FAM228A: variants seen among roughly 807,000 people sequenced by gnomAD.
The protein encoded by FAM228A is protein FAM228A.
Under a neutral mutation model 18.6 loss-of-function variants are expected in FAM228A, and 13 were observed. The observed-to-expected ratio is 0.70, with a 90% CI of 0.45 to 1.11. FAM228A has a LOEUF of 1.11. Ranked by LOEUF, FAM228A falls within the 50% of genes least tolerant of loss-of-function variation. The pLI is 0.00. For synonymous variants in FAM228A, 77 were observed against 86.6 expected (o/e 0.89, Z 0.61); for missense variants, 240 against 242.2 (o/e 0.99, Z 0.06).
rs1244310684 is a variant in FAM228A, at chr2:24,181,127, TTTAG to T, written c.163-2157_163-2154del. On this transcript the variant is annotated intron_variant, in intron 3 of 5. Transcript: ENST00000295150. ...AAGTTCTGAAAGGCCCATGGATGACTTTAGACTAAAGCTAGATGATTACTTCTCC... is the reference window on the plus strand; with the variant it reads ...AAGTTCTGAAAGGCCCATGGATGACTACTAAAGCTAGATGATTACTTCTCC... Among the ~76,000 whole-genome samples, 9 of 152,298 alleles carry T rather than the reference TTTAG, an allele frequency of 5.9e-5. No individual in the cohort carries two copies. In the South Asian group the frequency reaches 1.7e-3, roughly 28 times the overall value.
rs564093433 is a variant in FAM228A, at chr2:24,191,230, C to G, written c.*599C>G. ...TGAGGCCTGAGGCGCAGGACCCTCC[C>G]AGGGAAGGCCTAGGGGGCTTGGTGG... On this transcript the variant is annotated 3_prime_UTR_variant, in exon 6 of 6. Transcript: ENST00000295150. 4.1e-6 allele frequency: 4 copies of G among 985,470 alleles called. No homozygotes were observed. Among genetic ancestry groups the G allele is most frequent in the Non-Finnish European group, 4.8e-6 (4 of 830,074 alleles). 61.0% of individuals were successfully genotyped at this position (985,470 alleles called of 1,614,324 possible). A position where few individuals can be genotyped will look rare whatever the true frequency, so the allele number is the denominator to read the frequency against.
chr2:24,186,343 C>G (rs1002721932), intron 5 of FAM228A, among the ~76,000 whole-genome samples: 3 of 152,126 alleles, frequency 2.0e-5, no homozygotes, highest in Admixed American at 1.3e-4. Flanking sequence ...TTCTTGTTTT[C>G]CATTCCTTAT....
At chr2:24,184,153 G>A (rs1307396158) in intron 5 of FAM228A, among the ~76,000 whole-genome samples, 1 of 152,172 alleles carries the variant, frequency 6.6e-6, no homozygotes, top group Non-Finnish European at 1.5e-5. Context: ...GCCGAGGCAG[G>A]TGGACCACCT....
chr2:24,187,301 A>G (rs772678513), intron 5 of FAM228A, among the ~76,000 whole-genome samples: 3 of 152,174 alleles, frequency 2.0e-5, no homozygotes, highest in Non-Finnish European at 4.4e-5. Context: ...TTTCGTAACA[A>G]ATTTTATGTT....
At position 24,183,520 on chromosome 2, in the gene FAM228A, TGAA is replaced by T; in HGVS notation, c.280_282del (p.Glu94del). On this transcript the variant is annotated inframe_deletion, in exon 5 of 6. Transcript: ENST00000295150. The stretch of plus-strand genomic sequence containing the variant: ...GAAAACGACATTCCATAAAAGAACT[TGAA>T]GAAATAGAGAAGGCCAGGCTGCATG... 6.2e-7 allele frequency: 1 copy of T among 1,612,344 alleles called. No homozygotes were observed. Among genetic ancestry groups the T allele is most frequent in the Non-Finnish European group, 8.5e-7 (1 of 1,179,450 alleles).
At chr2:24,190,310 A>T (rs1668049127) in intron 5 of FAM228A, 102 bp from the exon 6 acceptor site, 2 of 1,377,858 alleles carry the variant, frequency 1.5e-6, no homozygotes, top group African/African-American at 2.9e-5. Flanking sequence ...GTTCCTTCTC[A>T]AAAGTGACGA....
rs188184766 is a variant in FAM228A at position 24,183,675 on chromosome 2, G to A, written c.401+30G>A. The A allele has an allele frequency of 7.1e-5, 110 of 1,547,106 alleles. No homozygotes were observed. In the Admixed American group the frequency reaches 1.1e-3, roughly 16 times the overall value. On this transcript the variant is annotated intron_variant, in intron 5 of 5. Transcript: ENST00000295150. ...AGATGAGCAGAACAAACAAATATTT[G>A]TTTAACTTGCAACTTACTTTATTTC...
At chr2:24,175,253 C>T (rs1159626541) in intron 1 of FAM228A, 79 bp downstream of exon 1, 5 of 527,780 alleles carry the variant, frequency 9.5e-6, no homozygotes, top group South Asian at 2.1e-5. Context: ...GGGCGCGCCC[C>T]GGAGGAAAGG....
At chr2:24,183,712 C>G (rs1013806817) in intron 5 of FAM228A, 67 bp downstream of exon 5, 8 of 1,340,462 alleles carry the variant, frequency 6.0e-6, no homozygotes, top group African/African-American at 1.5e-5. Flanking sequence ...TACTGAAGCT[C>G]TTGTAACTAG....
rs538236179 is a variant in FAM228A at position 24,181,961 on chromosome 2, C to A, written c.163-1324C>A. 2.2e-4 allele frequency among the ~76,000 whole-genome samples: 33 copies of A among 152,282 alleles called. No homozygotes were observed. In the Middle Eastern group the frequency reaches 0.01, roughly 47 times the overall value. On this transcript the variant is annotated intron_variant, in intron 3 of 5. Transcript: ENST00000295150. ...TGTTCATTCATTTACTCACATTCAG[C>A]AAACTTGAAGCACAAGAAGGAGAGA...
At position 24,190,877 on chromosome 2, in the gene FAM228A, C is replaced by T. The variant is rs1384918971; in HGVS notation, c.*246C>T. On this transcript the variant is annotated 3_prime_UTR_variant, in exon 6 of 6. Coordinates refer to ENST00000295150, the MANE Select transcript of FAM228A (RefSeq NM_001040710.3). ...TCCGAGGTGAGGGCCAACCTGGCCA[C>T]AGGGGCTTTTCCCCCTGAGATTTCT... The T allele has an allele frequency of 1.7e-6, 2 of 1,203,302 alleles. No homozygotes were observed. Among genetic ancestry groups the T allele is most frequent in the South Asian group, 3.7e-5 (1 of 27,360 alleles). The allele number at this position is 1,203,302 out of a possible 1,614,324, so 74.5% of individuals were successfully genotyped here.
chr2:24,179,923 G>A (rs11679223), intron 3 of FAM228A, among the ~76,000 whole-genome samples: 130,860 of 152,208 alleles, frequency 0.86, 57,779 homozygotes, highest in South Asian at 0.95. Context: ...GAAGTGGGCA[G>A]AGGAGAATGG....
In FAM228A at chr2:24,190,641, A is replaced by G; in HGVS notation, c.*10A>G. On this transcript the variant is annotated 3_prime_UTR_variant, in exon 6 of 6. Transcript: ENST00000295150. ...ACTGGTTCCAGAATGAGCCACCGCCACAGCCCTCCCTGTCAGACAGGCACC... is the reference window on the plus strand; with the variant it reads ...ACTGGTTCCAGAATGAGCCACCGCCGCAGCCCTCCCTGTCAGACAGGCACC... 6.5e-7 allele frequency: 1 copy of G among 1,528,190 alleles called. No individual in the cohort carries two copies. The highest frequency in any genetic ancestry group is 2.3e-5 in the East Asian group (1 of 43,954). The allele number at this position is 1,528,190 out of a possible 1,614,324, so 94.7% of individuals were successfully genotyped here.
At chr2:24,183,692 C>G (rs1212130021) in intron 5 of FAM228A, 47 bp downstream of exon 5, 16 of 1,500,150 alleles carry the variant, frequency 1.1e-5, no homozygotes, top group Non-Finnish European at 1.4e-5. Flanking sequence ...TTGCAACTTA[C>G]TTTATTTCCT....
Position 24,190,597 on chromosome 2 carries a change from G to T in FAM228A, c.587G>T (p.Ser196Ile). 6.3e-7 allele frequency: 1 copy of T among 1,593,492 alleles called. No homozygotes were observed. The highest frequency in any genetic ancestry group is 8.5e-7 in the Non-Finnish European group (1 of 1,171,770). Residue 196 changes from serine (S) to isoleucine (I), a missense_variant, in exon 6 of 6, where the codon AGC (serine) becomes ATC (isoleucine). Ser to Ile is a moderately radical substitution (Grantham distance 142). Coordinates refer to ENST00000295150, the MANE Select transcript of FAM228A (RefSeq NM_001040710.3). ...CGGGGCTGGCATGCAGGGCTTTGCA[G>T]CACCCACGAGCAGCACATACTGGTT... is the stretch of plus-strand genomic sequence containing the variant. ...LGRGWHAGLC[S>I]THEQHILVPE
intron 3 of FAM228A, among the ~76,000 whole-genome samples, chr2:24,181,632 T>G (rs1405415251): frequency 6.6e-6 from 1 of 152,184 alleles, no homozygotes; most frequent in Non-Finnish European, 1.5e-5. Context: ...GTGATTTACC[T>G]GCCTTGGCTT....
In FAM228A at chr2:24,190,443, C is replaced by G. The variant is rs1668055167; in HGVS notation, c.433C>G (p.Gln145Glu). The change falls in exon 6 of 6, where the codon CAG becomes GAG. Residue 145 changes from glutamine to glutamate, a missense_variant. By Grantham distance (29) the Gln-to-Glu change is conservative (BLOSUM62 2). Transcript: ENST00000295150. ...PEKLIYADKK[Q>E]KRKEKKTADL... is the part of the protein sequence containing the mutation. ...AAAGCTCATCTATGCAGACAAGAAA[C>G]AGAAAAGAAAAGAGAAAAAGACGGC... 1 of 1,613,474 alleles carries G rather than the reference C, an allele frequency of 6.2e-7. No individual in the cohort carries two copies. The highest frequency in any genetic ancestry group is 1.7e-5 in the Admixed American group (1 of 59,850).
At chr2:24,178,872 GTTAAAT>G (rs1187254366) in intron 3 of FAM228A, among the ~76,000 whole-genome samples, 6 of 152,218 alleles carry the variant, frequency 3.9e-5, no homozygotes, top group African/African-American at 1.4e-4. Context: ...GTTAGATGTG[GTTAAAT>G]CTGAAGGCAC....
chr2:24,181,586 A>G (rs987141387), intron 3 of FAM228A, among the ~76,000 whole-genome samples: 2 of 152,134 alleles, frequency 1.3e-5, no homozygotes, highest in Non-Finnish European at 2.9e-5. Flanking sequence ...GGGTTTCGCC[A>G]TGTTGGTCAG....
Sources: gnomAD v4.1 joint callset for allele counts (sites outside exome capture counted in the v4.1 genomes callset) on GRCh38, gnomAD v4.1.1 for gene constraint, MANE v1.5 for transcripts, NCBI Gene and HGNC (gene_info 2026-07-23, HGNC 2026-07-21) for gene names.